The following KCNN2 variants were observed in gnomAD, a reference collection of about 807,000 sequenced individuals.
KCNN2 encodes small conductance calcium-activated potassium channel protein 2.
Under a neutral mutation model 55.5 loss-of-function variants are expected in KCNN2, and 24 were observed. The ratio of observed to expected loss-of-function variants is 0.43; its 90% CI spans 0.31 to 0.61. KCNN2 has a LOEUF of 0.61. Among genes scored for constraint, KCNN2 ranks in the 20% least tolerant of loss-of-function variants. KCNN2 has a pLI of 0.08. For missense variants in KCNN2, 754 were observed against 853.6 expected (o/e 0.88, Z 1.45); for synonymous variants, 431 against 336.1 (o/e 1.28, Z -3.09).
chr5:114,173,199 A>C (rs977172002), intron 1 of KCNN2, among the ~76,000 whole-genome samples: 1 of 151,974 alleles, frequency 6.6e-6, no homozygotes, highest in South Asian at 2.1e-4. Context: ...CTTTTCCCCA[A>C]CATATGTTGT....
intron 2 of KCNN2, among the ~76,000 whole-genome samples, chr5:114,299,209 G>T (rs1756100240): frequency 6.6e-6 from 1 of 151,248 alleles, no homozygotes; most frequent in Non-Finnish European, 1.5e-5. Flanking sequence ...CCTCCTCTAT[G>T]TTTGTCAGCA....
chr5:114,232,706 A>C (rs897013752), intron 2 of KCNN2, among the ~76,000 whole-genome samples: 1 of 150,630 alleles, frequency 6.6e-6, no homozygotes, highest in Non-Finnish European at 1.5e-5. Flanking sequence ...TTGTTCTTTA[A>C]CTTTGCGGTG....
At chr5:114,286,311 T>C (rs1755750571) in intron 2 of KCNN2, among the ~76,000 whole-genome samples, 1 of 152,164 alleles carries the variant, frequency 6.6e-6, no homozygotes, top group Non-Finnish European at 1.5e-5. Context: ...AACATGCCCT[T>C]GGTATCAGAG....
intron 1 of KCNN2, among the ~76,000 whole-genome samples, chr5:114,198,596 G>T (rs958628741): frequency 7.2e-5 from 11 of 151,822 alleles, no homozygotes; most frequent in Non-Finnish European, 1.6e-4. Flanking sequence ...TTAAATACAT[G>T]ATTTCTTTCC....
chr5:114,366,509 T>C (rs1400619263), intron 2 of KCNN2, among the ~76,000 whole-genome samples: 2 of 152,058 alleles, frequency 1.3e-5, no homozygotes, highest in African/African-American at 4.8e-5. Context: ...TATTAAAAAA[T>C]AAATAAATAA....
intron 2 of KCNN2, among the ~76,000 whole-genome samples, chr5:114,341,933 G>A (rs1480231600): frequency 1.4e-5 from 2 of 146,826 alleles, no homozygotes; most frequent in African/African-American, 5.1e-5. Context: ...ACGGAATCTC[G>A]CTCTGTCACC....
intron 2 of KCNN2, among the ~76,000 whole-genome samples, chr5:114,351,197 T>C (rs1757198165): frequency 6.6e-6 from 1 of 151,864 alleles, no homozygotes; most frequent in Non-Finnish European, 1.5e-5. Context: ...TATTGTATTC[T>C]TTTTGATGAC....
chr5:114,481,337 A>G (rs548305275), intron 5 of KCNN2, among the ~76,000 whole-genome samples: 1 of 152,282 alleles, frequency 6.6e-6, no homozygotes, highest in South Asian at 2.1e-4. Context: ...CACTACTCAA[A>G]GAAATCAGAA....
At chr5:114,277,705 C>T (rs192190147) in intron 2 of KCNN2, among the ~76,000 whole-genome samples, 4 of 152,274 alleles carry the variant, frequency 2.6e-5, no homozygotes, top group Admixed American at 2.0e-4. Context: ...TTAAGGTCTT[C>T]TCTACACTGT....
rs529971972 is a variant in KCNN2 at position 114,241,830 on chromosome 5, A to G, written c.-185+20265A>G. Among the ~76,000 whole-genome samples, 5 of 120,198 alleles carry G rather than the reference A, an allele frequency of 4.2e-5. 1 individual carries two copies. The highest frequency in any genetic ancestry group is 8.6e-5 in the Admixed American group (1 of 11,652). The allele number at this position is 120,198 out of a possible 152,430, so 78.9% of individuals were successfully genotyped here. ...CGTATATATATATATGTGTGTATAT[A>G]TATATATATATATATGGAGTGTGAA... On this transcript the variant is annotated intron_variant, in intron 2 of 10. Coordinates refer to the KCNN2 transcript ENST00000512097.
At chr5:114,484,730 GCA>G (rs1361561397) in intron 5 of KCNN2, among the ~76,000 whole-genome samples, 1 of 152,144 alleles carries the variant, frequency 6.6e-6, no homozygotes, top group African/African-American at 2.4e-5. Flanking sequence ...TTGAAAAGTA[GCA>G]GTTAAATATG....
intron 1 of KCNN2, among the ~76,000 whole-genome samples, chr5:114,186,023 G>T (rs1292508700): frequency 6.6e-6 from 1 of 152,122 alleles, no homozygotes; most frequent in Non-Finnish European, 1.5e-5. Flanking sequence ...TCTGATTTAT[G>T]TTGTTCATTT....
At chr5:114,443,194 G>A (rs1197228333) in intron 3 of KCNN2, among the ~76,000 whole-genome samples, 3 of 152,036 alleles carry the variant, frequency 2.0e-5, no homozygotes, top group Admixed American at 2.0e-4. Flanking sequence ...AGGAGGCTGA[G>A]GCAGAAGAAT....
intron 1 of KCNN2, among the ~76,000 whole-genome samples, chr5:114,149,436 A>G (rs1228107274): frequency 3.3e-5 from 5 of 152,158 alleles, no homozygotes; most frequent in Non-Finnish European, 5.9e-5. Context: ...GAGAAATAAT[A>G]GACACACACA....
chr5:114,297,547 A>G (rs532937049), intron 2 of KCNN2, among the ~76,000 whole-genome samples: 1 of 152,276 alleles, frequency 6.6e-6, no homozygotes, highest in East Asian at 1.9e-4. Flanking sequence ...AGTAATTTGC[A>G]ATATAACTCA....
chr5:114,415,060 A>C (rs772584904), intron 3 of KCNN2, among the ~76,000 whole-genome samples: 9 of 152,184 alleles, frequency 5.9e-5, no homozygotes, highest in Non-Finnish European at 1.2e-4. Flanking sequence ...CTGTCATATA[A>C]ATTGAATCAA....
chr5:114,311,383 A>G (rs1055477363), intron 2 of KCNN2, among the ~76,000 whole-genome samples: 4 of 152,176 alleles, frequency 2.6e-5, no homozygotes, highest in African/African-American at 4.8e-5. Context: ...AAGAAGCTCA[A>G]TAGTTTAGTA....
At chr5:114,092,142 A>G (rs576897929) in intron 1 of KCNN2, among the ~76,000 whole-genome samples, 13 of 152,228 alleles carry the variant, frequency 8.5e-5, no homozygotes, top group Non-Finnish European at 1.8e-4. Flanking sequence ...CTTACAAGAT[A>G]TAATTGAGCG....
chr5:114,174,049 G>T (rs973040592), intron 1 of KCNN2, among the ~76,000 whole-genome samples: 1 of 151,992 alleles, frequency 6.6e-6, no homozygotes, highest in African/African-American at 2.4e-5. Context: ...AATTCTAAAT[G>T]AGTATGTTTC....
Sources: gnomAD v4.1 joint callset for allele counts (sites outside exome capture counted in the v4.1 genomes callset) on GRCh38, gnomAD v4.1.1 for gene constraint, MANE v1.5 for transcripts, NCBI Gene and HGNC (gene_info 2026-07-23, HGNC 2026-07-21) for gene names.